CYP11A1: variants seen among roughly 807,000 people sequenced by gnomAD.
CYP11A1 encodes the protein cytochrome P450 family 11 subfamily A member 1.
CYP11A1 carries 25 observed loss-of-function variants against 51.9 expected under a neutral mutation model. The ratio of observed to expected loss-of-function variants is 0.48; its 90% CI spans 0.35 to 0.67. The LOEUF (loss-of-function observed/expected upper bound fraction) is 0.67, where lower values mean the gene tolerates loss of function less well. Among genes scored for constraint, CYP11A1 ranks in the 30% least tolerant of loss-of-function variants. The pLI, the probability that CYP11A1 is intolerant of heterozygous loss-of-function variation, is 0.00. For synonymous variants in CYP11A1, 245 were observed against 262.1 expected, an observed-to-expected ratio of 0.93 and a Z score of 0.63; for missense variants, 578 against 680.9, an observed-to-expected ratio of 0.85 and a Z score of 1.68.
In CYP11A1 at chr15:74,338,402, G is replaced by A. The variant is rs561541928; in HGVS notation, c.1434+169C>T. On this transcript the variant is annotated intron_variant, in intron 8 of 8. Coordinates refer to ENST00000268053, the MANE Select transcript of CYP11A1 (RefSeq NM_000781.3). The stretch of plus-strand genomic sequence containing the variant: ...GGGTGATGAGTGGTTGAGCCCGAAA[G>A]AGGGGGCAGCAGAGAACTGTGGGAG... 57 of 783,426 alleles carry A rather than the reference G, an allele frequency of 7.3e-5. No homozygotes were observed. The African/African-American group carries it at 7.7e-4, about 11-fold the overall frequency. 48.5% of individuals were successfully genotyped at this position (783,426 alleles called of 1,614,324 possible). A position where few individuals can be genotyped will look rare whatever the true frequency, so the allele number is the denominator to read the frequency against.
At chr15:74,366,760 G>A (rs904116560) in intron 1 of CYP11A1, 1 of 155,220 alleles carries the variant, frequency 6.4e-6, no homozygotes, top group East Asian at 1.9e-4. Context: ...CTGTCGCCCA[G>A]GCTGGATTGC....
At chr15:74,338,914 CCA>C in intron 7 of CYP11A1, 146 bp from the exon 8 acceptor site, 2 of 795,008 alleles carry the variant, frequency 2.5e-6, no homozygotes, top group Non-Finnish European at 4.2e-6. Context: ...GACATTCTGC[CCA>C]CTGTGCAGCC....
intron 5 of CYP11A1, among the ~76,000 whole-genome samples, chr15:74,341,921 A>G (rs2060608707): frequency 6.6e-6 from 1 of 152,208 alleles, no homozygotes; most frequent in African/African-American, 2.4e-5. Context: ...GGCCTTTAGA[A>G]TGCACCAACC....
intron 1 of CYP11A1, among the ~76,000 whole-genome samples, chr15:74,360,166 C>T (rs978068698): frequency 1.3e-5 from 2 of 152,216 alleles, no homozygotes; most frequent in Non-Finnish European, 2.9e-5. Flanking sequence ...AATTGTTTAA[C>T]TTGCCTGCTT....
In CYP11A1 at chr15:74,338,597, G is replaced by C. The variant is rs763985808; in HGVS notation, c.1408C>G (p.Leu470Val). 6.2e-7 allele frequency: 1 copy of C among 1,614,138 alleles called. No individual in the cohort carries two copies. The highest frequency in any genetic ancestry group is 8.5e-7 in the Non-Finnish European group (1 of 1,180,022). Residue 470 changes from leucine to valine, a missense_variant, in exon 8 of 9, where the codon CTA (leucine) becomes GTA (valine). By Grantham distance (32) the Leu-to-Val change is conservative. Transcript: ENST00000268053. ...RQCLGRRIAE[L>V]EMTIFLINML... ...TTGATGAGGAAGATGGTCATCTCTA[G>C]CTCAGCGATCCGCCGTCCCAGACAC...
chr15:74,341,629 T>C (rs2060607451), intron 5 of CYP11A1, among the ~76,000 whole-genome samples: 1 of 152,186 alleles, frequency 6.6e-6, no homozygotes, highest in Non-Finnish European at 1.5e-5. Flanking sequence ...GTCACTGCAG[T>C]GTGCTATTCC....
At chr15:74,357,927 C>T (rs141571445) in intron 1 of CYP11A1, among the ~76,000 whole-genome samples, 2,316 of 152,320 alleles carry the variant, frequency 0.015, 62 homozygotes, top group African/African-American at 0.052. Flanking sequence ...CGCTCCACTA[C>T]CTCTCAGCAA....
At chr15:74,362,579 AG>A (rs1224781190) in intron 1 of CYP11A1, 2 of 153,694 alleles carry the variant, frequency 1.3e-5, no homozygotes, top group African/African-American at 4.8e-5. Flanking sequence ...ACAACTGAGA[AG>A]GGCCCCTCCA....
At chr15:74,354,755 C>G (rs1398059894) in intron 1 of CYP11A1, 1 of 152,348 alleles carries the variant, frequency 6.6e-6, no homozygotes, top group Non-Finnish European at 1.5e-5. Flanking sequence ...TCCTTTCAAT[C>G]TTGGCGCCAT....
At chr15:74,349,430 C>G (rs2060645958) in intron 1 of CYP11A1, among the ~76,000 whole-genome samples, 1 of 152,144 alleles carries the variant, frequency 6.6e-6, no homozygotes, top group Non-Finnish European at 1.5e-5. Context: ...CTGCTTTAAC[C>G]ACTGAGCCAG....
chr15:74,360,506 G>C (rs1221319881), intron 1 of CYP11A1, among the ~76,000 whole-genome samples: 2 of 151,498 alleles, frequency 1.3e-5, no homozygotes, highest in African/African-American at 4.8e-5. Context: ...GGCTGGTCTT[G>C]AACTCCTGAC....
chr15:74,354,008 G>T (rs967533812), intron 1 of CYP11A1, among the ~76,000 whole-genome samples: 1 of 152,140 alleles, frequency 6.6e-6, no homozygotes, highest in Non-Finnish European at 1.5e-5. Flanking sequence ...CTCACAAATA[G>T]AATTTTAGTC....
rs1173893764 is a variant in CYP11A1 at position 74,338,102 on chromosome 15, A to G, written c.1436T>C (p.Met479Thr). The G allele has an allele frequency of 6.2e-7, 1 of 1,614,214 alleles. No individual in the cohort carries two copies. Among genetic ancestry groups the G allele is most frequent in the South Asian group, 1.1e-5 (1 of 91,080 alleles). The change falls in exon 9 of 9, where the codon ATG (methionine) becomes ACG (threonine). Residue 479 changes from methionine (M) to threonine (T), a missense_variant and splice_region_variant. By Grantham distance (81) the Met-to-Thr change is moderately conservative (BLOSUM62 -1). Coordinates refer to ENST00000268053, the MANE Select transcript of CYP11A1 (RefSeq NM_000781.3). Reference sequence around the variant, plus strand: ...GATTTCAACTCTGAAGTTCTCCAGCATCTGAGAAAGGCAGATGGTAGGTTT... The same window carrying G: ...GATTTCAACTCTGAAGTTCTCCAGCGTCTGAGAAAGGCAGATGGTAGGTTT... The part of the protein sequence containing the change: ...ELEMTIFLIN[M>T]LENFRVEIQH...
intron 1 of CYP11A1, among the ~76,000 whole-genome samples, chr15:74,349,374 T>C (rs1188137171): frequency 6.6e-6 from 1 of 152,222 alleles, no homozygotes; most frequent in Non-Finnish European, 1.5e-5. Context: ...ACAAGCCAAG[T>C]GTGCTCATGT....
At chr15:74,355,864 A>T (rs777714778) in intron 1 of CYP11A1, among the ~76,000 whole-genome samples, 20 of 152,246 alleles carry the variant, frequency 1.3e-4, no homozygotes, top group Non-Finnish European at 2.5e-4. Flanking sequence ...ATTTGGCAGC[A>T]ACCCTGAGAC....
chr15:74,367,492 C>G lies in CYP11A1; in HGVS notation c.94G>C (p.Val32Leu). Reference sequence around the variant, plus strand: ...ATGCCAGCTCCCTCGCCAGTGGGCACCCTGAGACGCCCCAGCCCCTCCCTG... The same window carrying G: ...ATGCCAGCTCCCTCGCCAGTGGGCAGCCTGAGACGCCCCAGCCCCTCCCTG... Reference protein sequence around the residue: ...APREGLGRLRVPTGEGAGIST... With the variant: ...APREGLGRLRLPTGEGAGIST... The change falls in exon 1 of 9, where the codon GTG becomes CTG. Residue 32 changes from valine (V) to leucine (L), a missense_variant. By Grantham distance (32) the Val-to-Leu change is conservative. Transcript: ENST00000268053. The G allele has an allele frequency of 6.2e-7, 1 of 1,614,176 alleles. No homozygotes were observed. The highest frequency in any genetic ancestry group is 8.5e-7 in the Non-Finnish European group (1 of 1,180,014).
At chr15:74,343,246 T>A in intron 4 of CYP11A1, 109 bp from the exon 5 acceptor site, 1 of 1,152,104 alleles carries the variant, frequency 8.7e-7, no homozygotes. Context: ...TCCGGAGCCC[T>A]GTGCTTCTTA....
chr15:74,361,686 T>G, intron 1 of CYP11A1: 1 of 1,222,638 alleles, frequency 8.2e-7, no homozygotes, highest in Non-Finnish European at 1.2e-6. Context: ...AGAGGAAGGA[T>G]TTGGTTATAA....
chr15:74,339,203 C>T (rs1225839614), intron 7 of CYP11A1, 34 bp downstream of exon 7: 1 of 1,581,236 alleles, frequency 6.3e-7, no homozygotes. Flanking sequence ...CCCTCTCTGA[C>T]TGGCAGAGCC....
Sources: allele counts gnomAD v4.1 joint callset (sites outside exome capture counted in the v4.1 genomes callset), GRCh38; gene constraint gnomAD v4.1.1; transcripts MANE v1.5; gene names NCBI Gene and HGNC (gene_info 2026-07-23, HGNC 2026-07-21).